Variants in SIK3 observed in about 807,000 individuals in gnomAD.
SIK3 encodes SIK family kinase 3.
In SIK3, 28 loss-of-function variants were observed where a neutral mutation model predicts 144.2. The ratio of observed to expected loss-of-function variants is 0.19; its 90% CI spans 0.14 to 0.27. The LOEUF (loss-of-function observed/expected upper bound fraction) is 0.27, where lower values mean the gene tolerates loss of function less well. SIK3 is among the 10% of genes least tolerant of loss of function. The probability of loss-of-function intolerance (pLI) is 1.00; values close to 1 mark genes in which losing one functional copy is unlikely to be tolerated. For synonymous variants in SIK3, 686 were observed against 676.3 expected (o/e 1.01, Z -0.22); for missense variants, 1,319 against 1,776.0 (o/e 0.74, Z 4.62).
intron 4 of SIK3, among the ~76,000 whole-genome samples, chr11:116,914,487 G>C (rs1033141849): frequency 2.0e-5 from 3 of 152,034 alleles, no homozygotes; most frequent in African/African-American, 7.3e-5. Context: ...ACAAGCATGA[G>C]CCACCACGCC....
chr11:116,909,125 A>G (rs914065507), intron 4 of SIK3, among the ~76,000 whole-genome samples: 13 of 152,204 alleles, frequency 8.5e-5, no homozygotes, highest in African/African-American at 2.7e-4. Context: ...CAACATGGAT[A>G]AATCTCACAG....
At position 116,887,345 on chromosome 11, in the gene SIK3, G is replaced by A. The variant is rs529770006; in HGVS notation, c.865+8908C>T. 6.6e-5 allele frequency among the ~76,000 whole-genome samples: 10 copies of A among 151,844 alleles called. No homozygotes were observed. The East Asian group carries it at 9.7e-4, about 15-fold the overall frequency. The stretch of plus-strand genomic sequence containing the variant: ...ATAATACAAGAGTCTGGCAGGGCAC[G>A]GTGGCTCACGTCTGTAATCCCAGCA... On this transcript the variant is annotated intron_variant, in intron 6 of 24. Transcript: ENST00000445177.
At chr11:116,982,903 C>T (rs1466886849) in intron 1 of SIK3, among the ~76,000 whole-genome samples, 2 of 133,870 alleles carry the variant, frequency 1.5e-5, no homozygotes, top group Non-Finnish European at 3.1e-5. Context: ...CAGATCACAC[C>T]ACTGCACTCC....
chr11:116,866,128 T>A (rs1395527604), intron 15 of SIK3, among the ~76,000 whole-genome samples: 3 of 152,058 alleles, frequency 2.0e-5, no homozygotes, highest in Non-Finnish European at 2.9e-5. Context: ...GTAACAAATG[T>A]CAACAGAATA....
At chr11:117,048,741 C>A (rs925522712) in intron 1 of SIK3, among the ~76,000 whole-genome samples, 1 of 151,996 alleles carries the variant, frequency 6.6e-6, no homozygotes. Context: ...CGGTACATAT[C>A]CAAGAAAAAA....
intron 3 of SIK3, among the ~76,000 whole-genome samples, chr11:116,943,032 G>A (rs1948397023): frequency 6.6e-6 from 1 of 152,142 alleles, no homozygotes; most frequent in Non-Finnish European, 1.5e-5. Flanking sequence ...TATGGAGGTG[G>A]TGATAAGTGA....
chr11:117,044,755 T>C (rs1952886437), intron 1 of SIK3, among the ~76,000 whole-genome samples: 1 of 152,140 alleles, frequency 6.6e-6, no homozygotes, highest in Non-Finnish European at 1.5e-5. Flanking sequence ...AGTGGTGGTA[T>C]ACGCTTGTTG....
At chr11:117,002,594 C>A (rs939224373) in intron 1 of SIK3, among the ~76,000 whole-genome samples, 3 of 151,982 alleles carry the variant, frequency 2.0e-5, no homozygotes, top group Non-Finnish European at 2.9e-5. Context: ...ACACAATAAG[C>A]CTGCATCTTA....
At chr11:116,985,170 G>A (rs977098449) in intron 1 of SIK3, among the ~76,000 whole-genome samples, 1 of 152,146 alleles carries the variant, frequency 6.6e-6, no homozygotes, top group African/African-American at 2.4e-5. Flanking sequence ...AGACAATAGG[G>A]CATGGAGAAT....
chr11:116,891,315 T>G (rs1591240989), intron 6 of SIK3, among the ~76,000 whole-genome samples: 1 of 152,062 alleles, frequency 6.6e-6, no homozygotes, highest in East Asian at 1.9e-4. Flanking sequence ...AGACTCCGTC[T>G]CAAAAAAAAG....
intron 1 of SIK3, among the ~76,000 whole-genome samples, chr11:117,023,621 A>AAAAAATATATAT (rs754624841): frequency 1.3e-3 from 128 of 95,300 alleles, no homozygotes; most frequent in African/African-American, 5.2e-3. Context: ...AAAAAAAAAA[A>AAAAAATATATAT]ATATATATAT....
chr11:117,075,866 T>TTTTTTA (rs1954499183), intron 1 of SIK3, among the ~76,000 whole-genome samples: 3 of 131,504 alleles, frequency 2.3e-5, no homozygotes, highest in South Asian at 2.4e-4. Flanking sequence ...TTTTTTTTTT[T>TTTTTTA]GAGACAGTTT....
At chr11:116,875,006 A>G (rs771393432) in intron 11 of SIK3, 152 bp downstream of exon 11, 4 of 625,638 alleles carry the variant, frequency 6.4e-6, no homozygotes, top group Admixed American at 2.8e-5. Context: ...GTCTACATAC[A>G]TAAGTTACAT....
chr11:117,073,375 G>A (rs939051323), intron 1 of SIK3, among the ~76,000 whole-genome samples: 19 of 152,150 alleles, frequency 1.2e-4, no homozygotes, highest in African/African-American at 4.3e-4. Flanking sequence ...GTACAGCTGT[G>A]ATTAGAATTC....
intron 1 of SIK3, among the ~76,000 whole-genome samples, chr11:117,046,497 G>C (rs1475047379): frequency 6.6e-6 from 1 of 152,136 alleles, no homozygotes; most frequent in African/African-American, 2.4e-5. Context: ...TCACTGCAAA[G>C]GTTATATTTT....
intron 4 of SIK3, among the ~76,000 whole-genome samples, chr11:116,910,048 C>G (rs1946256127): frequency 6.6e-6 from 1 of 151,926 alleles, no homozygotes; most frequent in Non-Finnish European, 1.5e-5. Flanking sequence ...GCTAAAATGG[C>G]AATTAGGTGT....
intron 1 of SIK3, among the ~76,000 whole-genome samples, chr11:117,040,860 C>A (rs1952708373): frequency 6.6e-6 from 1 of 151,264 alleles, no homozygotes; most frequent in African/African-American, 2.4e-5. Context: ...AGGTATACAA[C>A]ACAATGTTTT....
At chr11:116,978,553 G>C (rs1950034745) in intron 1 of SIK3, among the ~76,000 whole-genome samples, 1 of 152,086 alleles carries the variant, frequency 6.6e-6, no homozygotes, top group Admixed American at 6.5e-5. Flanking sequence ...GTACAGGCTG[G>C]AGTGGAGTGA....
chr11:116,877,060 C>G lies in SIK3; in HGVS notation c.866-18G>C. 7 of 1,611,472 alleles carry G rather than the reference C, an allele frequency of 4.3e-6. No homozygotes were observed. Among genetic ancestry groups the G allele is most frequent in the Non-Finnish European group, 5.9e-6 (7 of 1,177,632 alleles). Reference sequence around the variant, plus strand: ...CTCACATTCTGCAATGGACAAACAGCCTGCCTTCAGTCTCTGGTGAGGGGA... The same window carrying G: ...CTCACATTCTGCAATGGACAAACAGGCTGCCTTCAGTCTCTGGTGAGGGGA... On this transcript the variant is annotated intron_variant, in intron 6 of 24. Transcript: ENST00000445177.
Sources: gnomAD v4.1 joint callset for allele counts (sites outside exome capture counted in the v4.1 genomes callset) on GRCh38, gnomAD v4.1.1 for gene constraint, MANE v1.5 for transcripts, NCBI Gene and HGNC (gene_info 2026-07-23, HGNC 2026-07-21) for gene names.